The following DGKB variants were observed in gnomAD, a reference collection of about 807,000 sequenced individuals.
DGKB encodes the protein diacylglycerol kinase beta.
In DGKB, 67 loss-of-function variants were observed where a neutral mutation model predicts 114.3. The observed-to-expected ratio is 0.59, with a 90% CI of 0.48 to 0.72. The LOEUF (loss-of-function observed/expected upper bound fraction) is 0.72. DGKB is among the 30% of genes least tolerant of loss of function. The probability of loss-of-function intolerance (pLI) is 0.00; values close to 1 mark genes in which losing one functional copy is unlikely to be tolerated. For missense variants in DGKB, 907 were observed against 975.2 expected (o/e 0.93, Z 0.93); for synonymous variants, 398 against 323.1 (o/e 1.23, Z -2.49).
intron 8 of DGKB, 40 bp from the exon 9 acceptor site, chr7:14,694,234 A>G (rs1437674147): frequency 9.8e-6 from 15 of 1,533,132 alleles, no homozygotes; most frequent in Non-Finnish European, 1.3e-5. Flanking sequence ...TGGTCAACCA[A>G]TAAAATAAAT....
At chr7:14,835,145 G>C (rs900139640) in intron 2 of DGKB, among the ~76,000 whole-genome samples, 2 of 152,138 alleles carry the variant, frequency 1.3e-5, no homozygotes, top group African/African-American at 4.8e-5. Flanking sequence ...TCAGAAATGA[G>C]AGACATGCAC....
chr7:14,513,568 G>T (rs1788306142), intron 20 of DGKB, among the ~76,000 whole-genome samples: 2 of 152,022 alleles, frequency 1.3e-5, no homozygotes, highest in South Asian at 4.1e-4. Flanking sequence ...TCAACAGAAT[G>T]ATTTTATTAA....
chr7:14,729,224 G>T (rs537711003), intron 5 of DGKB, among the ~76,000 whole-genome samples: 25 of 145,486 alleles, frequency 1.7e-4, no homozygotes, highest in African/African-American at 5.9e-4. Context: ...CTGGGTTCAC[G>T]CCATTCTCCC....
chr7:14,940,703 T>C (rs1213540518), intron 1 of DGKB, among the ~76,000 whole-genome samples: 2 of 152,168 alleles, frequency 1.3e-5, no homozygotes, highest in African/African-American at 4.8e-5. Flanking sequence ...TAAGAATGTG[T>C]ATATTAGCAC....
At chr7:14,322,885 C>T (rs1446638988) in intron 23 of DGKB, among the ~76,000 whole-genome samples, 1 of 151,992 alleles carries the variant, frequency 6.6e-6, no homozygotes. Flanking sequence ...AATTAGGATG[C>T]CTAAATTAAA....
intron 2 of DGKB, among the ~76,000 whole-genome samples, chr7:14,775,409 C>T (rs1037624651): frequency 4.6e-5 from 7 of 151,274 alleles, no homozygotes; most frequent in African/African-American, 1.2e-4. Flanking sequence ...ACCGAAATCT[C>T]ATCTTGAATT....
At chr7:14,372,504 T>C (rs1298099406) in intron 21 of DGKB, among the ~76,000 whole-genome samples, 1 of 152,078 alleles carries the variant, frequency 6.6e-6, no homozygotes, top group Non-Finnish European at 1.5e-5. Context: ...TGACAACAAG[T>C]AGCTGACAAG....
intron 2 of DGKB, among the ~76,000 whole-genome samples, chr7:14,786,954 G>A (rs1353187808): frequency 1.3e-5 from 2 of 152,354 alleles, no homozygotes; most frequent in Non-Finnish European, 2.9e-5. Flanking sequence ...TCCACTGAGA[G>A]CTGCAAATAT....
intron 20 of DGKB, among the ~76,000 whole-genome samples, chr7:14,491,223 C>A (rs920702301): frequency 4.0e-5 from 6 of 151,894 alleles, no homozygotes; most frequent in African/African-American, 1.2e-4. Flanking sequence ...ATCATGGGGG[C>A]TTTTTCCCCT....
chr7:14,736,990 G>C (rs867834398), intron 4 of DGKB, among the ~76,000 whole-genome samples: 4 of 152,170 alleles, frequency 2.6e-5, no homozygotes, highest in Admixed American at 6.5e-5. Flanking sequence ...CTCTGCCTAG[G>C]AAATTGAGGA....
In DGKB at chr7:14,371,526, G is replaced by T. The variant is rs540094648; in HGVS notation, c.1836-26135C>A. Among the ~76,000 whole-genome samples, 102 of 152,100 alleles carry T rather than the reference G, an allele frequency of 6.7e-4. 1 individual carries two copies. Among genetic ancestry groups the T allele is most frequent in the African/African-American group, 2.3e-3 (96 of 41,520 alleles). ...TGTTAAATAGTTTTGTTTTTTACTTGTTAAATTGTTTTGTTTCCTTATGTG... is the reference window on the plus strand; with the variant it reads ...TGTTAAATAGTTTTGTTTTTTACTTTTTAAATTGTTTTGTTTCCTTATGTG... On this transcript the variant is annotated intron_variant, in intron 21 of 25. Coordinates refer to ENST00000402815, the MANE Select transcript of DGKB (RefSeq NM_001350709.2).
At chr7:14,937,155 T>C (rs561726955) in intron 1 of DGKB, among the ~76,000 whole-genome samples, 1 of 152,216 alleles carries the variant, frequency 6.6e-6, no homozygotes, top group East Asian at 1.9e-4. Flanking sequence ...GCTTTTACAA[T>C]GTATATACTA....
chr7:14,693,456 T>C (rs1823247003), intron 9 of DGKB, among the ~76,000 whole-genome samples: 1 of 151,966 alleles, frequency 6.6e-6, no homozygotes, highest in Non-Finnish European at 1.5e-5. Flanking sequence ...GGTATTTAAT[T>C]GCAACTAGAG....
intron 21 of DGKB, among the ~76,000 whole-genome samples, chr7:14,425,689 A>T (rs552770036): frequency 6.6e-6 from 1 of 152,276 alleles, no homozygotes; most frequent in South Asian, 2.1e-4. Context: ...TTGTCTCAGC[A>T]TTTATGTAAC....
intron 4 of DGKB, among the ~76,000 whole-genome samples, chr7:14,750,352 G>T (rs1833927523): frequency 6.6e-6 from 1 of 152,128 alleles, no homozygotes; most frequent in Non-Finnish European, 1.5e-5. Flanking sequence ...CACAAATAAG[G>T]TATAACAATT....
At chr7:14,942,968 T>A (rs1385572360) in intron 1 of DGKB, among the ~76,000 whole-genome samples, 1 of 151,942 alleles carries the variant, frequency 6.6e-6, no homozygotes, top group African/African-American at 2.4e-5. Flanking sequence ...ATCCCTAGAA[T>A]AAAATCTCTT....
At chr7:14,427,784 T>C (rs1401238675) in intron 21 of DGKB, among the ~76,000 whole-genome samples, 1 of 152,064 alleles carries the variant, frequency 6.6e-6, no homozygotes, top group African/African-American at 2.4e-5. Flanking sequence ...ACTGCCCCCA[T>C]GATTCAGTTA....
chr7:14,958,421 C>T (rs769998301), intron 1 of DGKB, among the ~76,000 whole-genome samples: 82 of 105,564 alleles, frequency 7.8e-4, no homozygotes, highest in African/African-American at 1.0e-3. Flanking sequence ...ACCAATACCT[C>T]TCCCAACACA....
At position 14,147,169 on chromosome 7, in the gene DGKB, G is replaced by T. The variant is rs989053958; in HGVS notation, c.*1962C>A. ...GTAACATTATGTCAGTAATGTACTT[G>T]TTACTGTTTTGAGATTTCTTTCTTT... On this transcript the variant is annotated 3_prime_UTR_variant, in exon 26 of 26. Coordinates refer to ENST00000402815, the MANE Select transcript of DGKB (RefSeq NM_001350709.2). 1.3e-5 allele frequency: 2 copies of T among 152,058 alleles called. No homozygotes were observed. Among genetic ancestry groups the T allele is most frequent in the African/African-American group, 4.8e-5 (2 of 41,438 alleles). 9.4% of individuals were successfully genotyped at this position (152,058 alleles called of 1,614,324 possible).
Sources: allele counts gnomAD v4.1 joint callset (sites outside exome capture counted in the v4.1 genomes callset), GRCh38; gene constraint gnomAD v4.1.1; transcripts MANE v1.5; gene names NCBI Gene and HGNC (gene_info 2026-07-23, HGNC 2026-07-21).